Variants in TBC1D19 observed in about 807,000 individuals in gnomAD.
TBC1D19 encodes the protein TBC1 domain family, member 19.
In TBC1D19, 60 loss-of-function variants were observed where a neutral mutation model predicts 89.0. The observed-to-expected ratio is 0.67, with a 90% CI of 0.55 to 0.84. The LOEUF (loss-of-function observed/expected upper bound fraction) is 0.84. TBC1D19 is among the 40% of genes least tolerant of loss of function. The probability of loss-of-function intolerance (pLI) is 0.00; values close to 1 mark genes in which losing one functional copy is unlikely to be tolerated. For synonymous variants in TBC1D19, 189 were observed against 199.7 expected (o/e 0.95, Z 0.45); for missense variants, 500 against 610.8 (o/e 0.82, Z 1.91).
the TBC1D19 span, among the ~76,000 whole-genome samples, chr4:26,851,307 A>ATCTATCTATCTGTCTGTCTGTCTG: frequency 0.024 from 1,094 of 45,450 alleles, 16 homozygotes; most frequent in African/African-American, 0.071. Context: ...TAAATACCCT[A>ATCTATCTATCTGTCTGTCTGTCTG]TCTATCTATC....
intron 13 of TBC1D19, among the ~76,000 whole-genome samples, chr4:26,704,009 A>G (rs1000682721): frequency 1.3e-5 from 2 of 151,782 alleles, no homozygotes; most frequent in Admixed American, 6.6e-5. Context: ...TGTTACAAGG[A>G]TACGCAGGCA....
chr4:26,605,351 A>G lies in TBC1D19; in HGVS notation c.100-7818A>G, dbSNP rs374678308. On this transcript the variant is annotated intron_variant, in intron 1 of 20. Transcript: ENST00000264866. ...AGTTTACTGAGAATGATGATTTCCA[A>G]TTTCATCCATGTCCCTACAAAGGAC... Among the ~76,000 whole-genome samples the G allele has an allele frequency of 2.5e-3, 379 of 150,254 alleles. 4 individuals carry two copies. The highest frequency in any genetic ancestry group is 9.0e-3 in the African/African-American group (368 of 40,828).
upstream of TBC1D19, among the ~76,000 whole-genome samples, chr4:26,581,488 T>TA (rs1209093286): frequency 2.0e-4 from 30 of 152,222 alleles, no homozygotes; most frequent in African/African-American, 6.5e-4. Flanking sequence ...TGGTTTTCTG[T>TA]TCCTGTGTTA....
chr4:26,791,990 G>A, the TBC1D19 span, among the ~76,000 whole-genome samples: 1 of 152,190 alleles, frequency 6.6e-6, no homozygotes, highest in African/African-American at 2.4e-5. Context: ...GGACAGAGCA[G>A]CCATCAGAGG....
chr4:26,780,724 C>G, the TBC1D19 span, among the ~76,000 whole-genome samples: 3 of 152,194 alleles, frequency 2.0e-5, no homozygotes, highest in Non-Finnish European at 2.9e-5. Context: ...TAACACCTCC[C>G]TTGAGAGTAC....
chr4:26,789,799 A>G, the TBC1D19 span, among the ~76,000 whole-genome samples: 1 of 152,224 alleles, frequency 6.6e-6, no homozygotes, highest in Non-Finnish European at 1.5e-5. Flanking sequence ...GTGTTCATCA[A>G]TGGATGGCTG....
chr4:26,579,670 C>T (rs115209027), upstream of TBC1D19, among the ~76,000 whole-genome samples: 1 of 151,742 alleles, frequency 6.6e-6, no homozygotes, highest in Non-Finnish European at 1.5e-5. Context: ...AACCCCCAAC[C>T]CCCAACAGGC....
intron 16 of TBC1D19, among the ~76,000 whole-genome samples, chr4:26,738,180 CTG>C (rs1175674223): frequency 2.0e-5 from 3 of 151,324 alleles, no homozygotes; most frequent in Admixed American, 6.6e-5. Flanking sequence ...ACATAAACAA[CTG>C]TGGTATCTTG....
At chr4:26,699,164 C>G (rs1715089731) in intron 13 of TBC1D19, among the ~76,000 whole-genome samples, 1 of 152,088 alleles carries the variant, frequency 6.6e-6, no homozygotes. Flanking sequence ...AACAAACTTA[C>G]AAGAAAAAAC....
chr4:26,735,049 C>A (rs573375470), intron 15 of TBC1D19, among the ~76,000 whole-genome samples: 1 of 148,900 alleles, frequency 6.7e-6, no homozygotes, highest in African/African-American at 2.5e-5. Context: ...TGTGTACACA[C>A]ATGTATATAT....
the TBC1D19 span, among the ~76,000 whole-genome samples, chr4:26,827,806 G>A: frequency 3.3e-5 from 5 of 150,742 alleles, no homozygotes; most frequent in Non-Finnish European, 5.9e-5. Context: ...CTGCAGCCTC[G>A]AACTCCTGGG....
At chr4:26,777,374 A>C in the TBC1D19 span, among the ~76,000 whole-genome samples, 1 of 152,032 alleles carries the variant, frequency 6.6e-6, no homozygotes, top group Admixed American at 6.5e-5. Flanking sequence ...ACCTGAGGTG[A>C]TCTGCCCACC....
intron 10 of TBC1D19, among the ~76,000 whole-genome samples, chr4:26,672,735 G>T (rs1712430077): frequency 6.6e-6 from 1 of 151,840 alleles, no homozygotes; most frequent in African/African-American, 2.4e-5. Flanking sequence ...GTACAGATTG[G>T]TCTTTGTGTC....
chr4:26,730,318 TA>T (rs1435010795), intron 15 of TBC1D19, among the ~76,000 whole-genome samples: 1 of 152,020 alleles, frequency 6.6e-6, no homozygotes, highest in Non-Finnish European at 1.5e-5. Flanking sequence ...GAGAAAAAAA[TA>T]AAAAATTATT....
chr4:26,662,693 G>A (rs1394724215), intron 8 of TBC1D19, among the ~76,000 whole-genome samples: 2 of 152,126 alleles, frequency 1.3e-5, no homozygotes, highest in Non-Finnish European at 2.9e-5. Context: ...AATCAGTGTG[G>A]CATCTTACTC....
At chr4:26,808,341 T>C in the TBC1D19 span, among the ~76,000 whole-genome samples, 1 of 152,286 alleles carries the variant, frequency 6.6e-6, no homozygotes, top group East Asian at 1.9e-4. Flanking sequence ...TCTGCGTAAG[T>C]AGATTTTACA....
chr4:26,654,082 C>T (rs977027383), intron 7 of TBC1D19, among the ~76,000 whole-genome samples: 16 of 152,294 alleles, frequency 1.1e-4, no homozygotes, highest in African/African-American at 3.6e-4. Flanking sequence ...GTGACAAAAT[C>T]TCTCAGCATT....
chr4:26,677,382 G>T (rs377607469), intron 11 of TBC1D19, among the ~76,000 whole-genome samples: 9 of 150,490 alleles, frequency 6.0e-5, no homozygotes, highest in African/African-American at 2.2e-4. Flanking sequence ...GCAGTGGTGC[G>T]ATCTTGGCTT....
At chr4:26,711,462 T>C (rs567695211) in intron 13 of TBC1D19, among the ~76,000 whole-genome samples, 1 of 152,236 alleles carries the variant, frequency 6.6e-6, no homozygotes, top group East Asian at 1.9e-4. Flanking sequence ...TCATTTCTTA[T>C]GTGCTTTTTA....
Sources: allele counts gnomAD v4.1 joint callset (sites outside exome capture counted in the v4.1 genomes callset), GRCh38; gene constraint gnomAD v4.1.1; transcripts MANE v1.5; gene names NCBI Gene and HGNC (gene_info 2026-07-23, HGNC 2026-07-21).